RYR2: variants seen among roughly 807,000 people sequenced by gnomAD.
The protein encoded by RYR2 is ryanodine receptor 2.
In RYR2, 227 loss-of-function variants were observed where a neutral mutation model predicts 601.1. The ratio of observed to expected loss-of-function variants is 0.38; its 90% CI spans 0.34 to 0.42. The LOEUF is 0.42. Ranked by LOEUF, RYR2 falls within the 10% of genes least tolerant of loss-of-function variation. The pLI is 1.00. For missense variants in RYR2, 4,646 were observed against 6,156.5 expected (o/e 0.75, Z 8.21); for synonymous variants, 2,223 against 2,175.1 (o/e 1.02, Z -0.61).
chr1:237,278,597 A>C (rs1690542835), intron 2 of RYR2, among the ~76,000 whole-genome samples: 1 of 152,306 alleles, frequency 6.6e-6, no homozygotes, highest in South Asian at 2.1e-4. Flanking sequence ...ATAAGTGAAT[A>C]TAATTTGTAC....
intron 80 of RYR2, among the ~76,000 whole-genome samples, chr1:237,752,395 C>T (rs944527661): frequency 6.6e-6 from 1 of 151,944 alleles, no homozygotes; most frequent in Non-Finnish European, 1.5e-5. Flanking sequence ...AGCAGTCCTC[C>T]CACTTCAGCC....
intron 63 of RYR2, among the ~76,000 whole-genome samples, chr1:237,694,198 G>A (rs1050568199): frequency 2.0e-5 from 3 of 151,624 alleles, no homozygotes; most frequent in Admixed American, 6.6e-5. Flanking sequence ...GGAGGCTGAG[G>A]CAGGAGAATG....
intron 1 of RYR2, among the ~76,000 whole-genome samples, chr1:237,183,480 G>C (rs1679009088): frequency 6.6e-6 from 1 of 152,198 alleles, no homozygotes; most frequent in Non-Finnish European, 1.5e-5. Context: ...GGTCATCAGT[G>C]ACCTTTTGAT....
At chr1:237,100,837 C>T (rs2148514234) in intron 1 of RYR2, among the ~76,000 whole-genome samples, 1 of 152,258 alleles carries the variant, frequency 6.6e-6, no homozygotes, top group Non-Finnish European at 1.5e-5. Flanking sequence ...TGAAGTTATC[C>T]CGGCCCCTGG....
At chr1:237,364,916 G>T (rs924263312) in intron 5 of RYR2, among the ~76,000 whole-genome samples, 1 of 152,062 alleles carries the variant, frequency 6.6e-6, no homozygotes, top group Non-Finnish European at 1.5e-5. Flanking sequence ...AATTCAGCCA[G>T]CCCCTTATTC....
intron 1 of RYR2, among the ~76,000 whole-genome samples, chr1:237,049,935 C>T (rs1476492480): frequency 6.6e-6 from 1 of 152,120 alleles, no homozygotes; most frequent in East Asian, 1.9e-4. Context: ...AGAAGTGGCC[C>T]ATGTTTCTGG....
intron 25 of RYR2, among the ~76,000 whole-genome samples, chr1:237,532,965 A>C (rs1668279236): frequency 6.6e-6 from 1 of 152,188 alleles, no homozygotes; most frequent in African/African-American, 2.4e-5. Context: ...TTCTAACTTT[A>C]AGATAGGTAG....
chr1:237,184,302 C>T (rs1679104903), intron 1 of RYR2, among the ~76,000 whole-genome samples: 1 of 152,178 alleles, frequency 6.6e-6, no homozygotes, highest in Non-Finnish European at 1.5e-5. Flanking sequence ...TCCCTGCTGT[C>T]TTAGGAGGAA....
intron 2 of RYR2, among the ~76,000 whole-genome samples, chr1:237,275,023 C>T (rs1428110853): frequency 4.0e-5 from 6 of 151,792 alleles, no homozygotes; most frequent in African/African-American, 7.3e-5. Context: ...TAGCATGTGT[C>T]CCCATCATTA....
At chr1:237,281,242 G>A (rs1409564496) in intron 2 of RYR2, among the ~76,000 whole-genome samples, 1 of 152,170 alleles carries the variant, frequency 6.6e-6, no homozygotes, top group Non-Finnish European at 1.5e-5. Context: ...TTAAACTCCA[G>A]TGAGGAATAC....
chr1:237,593,342 T>C, intron 32 of RYR2, 134 bp from the exon 33 acceptor site: 1 of 749,210 alleles, frequency 1.3e-6, no homozygotes, highest in South Asian at 3.0e-5. Flanking sequence ...AATATTTTCA[T>C]TCACCCAAAC....
chr1:237,583,515 A>G (rs7520927), intron 29 of RYR2, among the ~76,000 whole-genome samples: 74,734 of 151,968 alleles, frequency 0.49, 18,879 homozygotes, highest in South Asian at 0.66. Context: ...AGGCAAAAGT[A>G]CTTATGTATT....
At position 237,207,759 on chromosome 1, in the gene RYR2, A is replaced by G. The variant is rs1383089138; in HGVS notation, c.49-62738A>G. Reference sequence around the variant, plus strand: ...CTGAGACACCACTAGTAGAATAGCTATCCTCTAAAACAATTTTCATCCTTT... The same window carrying G: ...CTGAGACACCACTAGTAGAATAGCTGTCCTCTAAAACAATTTTCATCCTTT... On this transcript the variant is annotated intron_variant, in intron 1 of 104. Transcript: ENST00000366574. Among the ~76,000 whole-genome samples, 4 of 152,226 alleles carry G rather than the reference A, an allele frequency of 2.6e-5. No homozygotes were observed. The East Asian group carries it at 5.8e-4, about 22-fold the overall frequency.
At chr1:237,659,212 C>A (rs1013944098) in intron 54 of RYR2, among the ~76,000 whole-genome samples, 1 of 152,110 alleles carries the variant, frequency 6.6e-6, no homozygotes, top group East Asian at 1.9e-4. Context: ...TCTAAGAAAC[C>A]CTTTTTTGTT....
intron 2 of RYR2, among the ~76,000 whole-genome samples, chr1:237,295,847 T>A (rs1692719854): frequency 1.3e-5 from 2 of 152,070 alleles, no homozygotes; most frequent in Admixed American, 6.6e-5. Context: ...GATGACGTGC[T>A]AAGCAATGTC....
At chr1:237,260,577 A>T (rs1452450043) in intron 1 of RYR2, among the ~76,000 whole-genome samples, 1 of 152,162 alleles carries the variant, frequency 6.6e-6, no homozygotes, top group Non-Finnish European at 1.5e-5. Flanking sequence ...TCACACCTGT[A>T]ATCCCAGCAC....
chr1:237,713,642 C>T (rs911002957), intron 71 of RYR2, among the ~76,000 whole-genome samples: 6 of 152,084 alleles, frequency 3.9e-5, no homozygotes, highest in African/African-American at 7.2e-5. Context: ...CGTGATCTGA[C>T]GGCCTCGGCC....
intron 87 of RYR2, among the ~76,000 whole-genome samples, chr1:237,774,885 C>G (rs997261647): frequency 1.5e-4 from 23 of 152,066 alleles, no homozygotes; most frequent in African/African-American, 5.6e-4. Context: ...GCCATTTCAG[C>G]TAAGAGTAGG....
intron 44 of RYR2, 132 bp from the exon 45 acceptor site, chr1:237,638,223 TGA>T: frequency 9.3e-7 from 1 of 1,071,270 alleles, no homozygotes; most frequent in Non-Finnish European, 1.4e-6. Context: ...TAGATTATCA[TGA>T]GAGCAAAAAG....
Sources: allele counts gnomAD v4.1 joint callset (sites outside exome capture counted in the v4.1 genomes callset), GRCh38; gene constraint gnomAD v4.1.1; transcripts MANE v1.5; gene names NCBI Gene and HGNC (gene_info 2026-07-23, HGNC 2026-07-21).